Variants in MT1E observed in about 807,000 individuals in gnomAD.
MT1E encodes the protein metallothionein 1E.
In MT1E, 1 loss-of-function variant was observed where a neutral mutation model predicts 2.4. The observed-to-expected ratio is 0.41, with a 90% confidence interval of 0.15 to 1.97. The LOEUF (loss-of-function observed/expected upper bound fraction) is 1.97, where lower values mean the gene tolerates loss of function less well. Ranked by LOEUF, MT1E falls within the 30% of genes most tolerant of loss-of-function variation. The probability of loss-of-function intolerance (pLI) is 0.30; values close to 1 mark genes in which losing one functional copy is unlikely to be tolerated. For synonymous variants in MT1E, 78 were observed against 63.0 expected (o/e 1.24, Z -1.13); for missense variants, 145 against 149.6 (o/e 0.97, Z 0.16).
rs552006895 is a variant in MT1E at position 56,627,031 on chromosome 16, T to A, written c.*210T>A. 1.8e-4 allele frequency: 285 copies of A among 1,595,122 alleles called. No homozygotes were observed. Among genetic ancestry groups the A allele is most frequent in the South Asian group, 8.2e-4 (73 of 89,268 alleles). On this transcript the variant is annotated 3_prime_UTR_variant, in exon 2 of 2. Transcript: ENST00000330439. ...ACAACCTGCACAACCTGGATTTTTT[T>A]AAAAATACAACACTGAGCCATTTGC...
intron 1 of MT1E, among the ~76,000 whole-genome samples, chr16:56,626,208 G>C (rs2070836): frequency 0.085 from 12,930 of 152,254 alleles, 699 homozygotes; most frequent in East Asian, 0.27. Context: ...GTTCAGGACA[G>C]AAGGTTCTGG....
chr16:56,625,790 T>C lies in MT1E; in HGVS notation c.-62T>C. 1 of 1,602,722 alleles carries C rather than the reference T, an allele frequency of 6.2e-7. No homozygotes were observed. The highest frequency in any genetic ancestry group is 8.5e-7 in the Non-Finnish European group (1 of 1,171,382). On this transcript the variant is annotated 5_prime_UTR_variant, in exon 1 of 2. Coordinates refer to ENST00000330439, the MANE Select transcript of MT1E (RefSeq NM_001363555.2). Reference sequence around the variant, plus strand: ...CCAGTTGCAGGGCTCCATTCTGCTTTCCAACTGCCTGACTGCTTGTTCGTC... The same window carrying C: ...CCAGTTGCAGGGCTCCATTCTGCTTCCCAACTGCCTGACTGCTTGTTCGTC...
At chr16:56,626,227 C>G (rs778068841) in intron 1 of MT1E, among the ~76,000 whole-genome samples, 11 of 152,166 alleles carry the variant, frequency 7.2e-5, no homozygotes, top group Non-Finnish European at 1.5e-4. Flanking sequence ...GGCTCGCAGT[C>G]TCAATATTCC....
chr16:56,626,710 G>T lies in MT1E; in HGVS notation c.273G>T (p.Ser91=), dbSNP rs750858329. The T allele has an allele frequency of 2.5e-5, 39 of 1,590,758 alleles. No homozygotes were observed. The highest frequency in any genetic ancestry group is 2.1e-4 in the South Asian group (19 of 89,324). ...KFRWGRTAFF[S]WDTNPNCTPY... Reference sequence around the variant, plus strand: ...GATGGGGCAGGACAGCATTTTTCTCGTGGGACACAAACCCCAACTGTACCC... The same window carrying T: ...GATGGGGCAGGACAGCATTTTTCTCTTGGGACACAAACCCCAACTGTACCC... Residue 91 remains serine (S), a synonymous_variant, in exon 2 of 2, where the codon TCG becomes TCT. Transcript: ENST00000330439.
In MT1E at chr16:56,625,812, C is replaced by T. The variant is rs370900826; in HGVS notation, c.-40C>T. ...CTTTCCAACTGCCTGACTGCTTGTT[C>T]GTCTCACTGGTGTGAGCTCCAGCAT... On this transcript the variant is annotated 5_prime_UTR_variant, in exon 1 of 2. Transcript: ENST00000330439. 3.7e-6 allele frequency: 6 copies of T among 1,611,656 alleles called. No individual in the cohort carries two copies. In the African/African-American group the frequency reaches 8.0e-5, roughly 22 times the overall value.
intron 1 of MT1E, 40 bp downstream of exon 1, chr16:56,625,919 C>T: frequency 6.2e-7 from 1 of 1,613,276 alleles, no homozygotes; most frequent in Non-Finnish European, 8.5e-7. Context: ...CATTTCCCAG[C>T]CCTATTACAG....
rs141266321 is a variant in MT1E at position 56,625,871 on chromosome 16, G to A, written c.20G>A (p.Cys7Tyr). ...CTCGAAATGGACCCCAACTGCTCTT[G>A]CGCCACTGGTAAGGGAAGCTCTGCG... is the stretch of plus-strand genomic sequence containing the variant. MDPNCS[C>Y]ATGGSCTCAG... is the part of the protein sequence containing the mutation. Residue 7 changes from cysteine to tyrosine, a missense_variant, in exon 1 of 2, where the codon TGC becomes TAC. Physicochemically the swap from Cys to Tyr is radical, Grantham distance 194. Coordinates refer to ENST00000330439, the MANE Select transcript of MT1E (RefSeq NM_001363555.2). 1,815 of 1,613,732 alleles carry A rather than the reference G, an allele frequency of 1.1e-3. 69 individuals carry two copies. The East Asian group carries it at 0.04, about 36-fold the overall frequency.
intron 1 of MT1E, 99 bp from the exon 2 acceptor site, chr16:56,626,367 T>C (rs931456049): frequency 3.8e-5 from 59 of 1,554,542 alleles, no homozygotes; most frequent in Non-Finnish European, 5.0e-5. Context: ...CTCTGAGGGC[T>C]GGCCCTGCAC....
In MT1E at chr16:56,626,086, A is replaced by ACTG. The variant is rs535687602; in HGVS notation, c.28+210_28+212dup. On this transcript the variant is annotated intron_variant, in intron 1 of 1. Transcript: ENST00000330439. Reference sequence around the variant, plus strand: ...TAAGAATACTGAGGCTCAAGGCTGAACTGCTCCACATCACCCAGTTGGTCA... The same window carrying ACTG: ...TAAGAATACTGAGGCTCAAGGCTGAACTGCTGCTCCACATCACCCAGTTGGTCA... Among the ~76,000 whole-genome samples the ACTG allele has an allele frequency of 1.2e-3, 185 of 152,248 alleles. 1 individual carries two copies. Among genetic ancestry groups the ACTG allele is most frequent in the African/African-American group, 4.3e-3 (179 of 41,546 alleles).
rs200895511 is a variant in MT1E at position 56,626,780 on chromosome 16, C to T, written c.343C>T (p.Leu115Phe). The T allele has an allele frequency of 6.2e-6, 10 of 1,613,740 alleles. No homozygotes were observed. Among genetic ancestry groups the T allele is most frequent in the Non-Finnish European group, 7.6e-6 (9 of 1,179,842 alleles). ...GCTGTGCCAGACGAAAAAAAGCATC[C>T]TCTGGGTCTGGGTTCTGAGCTCGAG... ...TELCQTKKSI[L>F]WVWVLSSSQA... The change falls in exon 2 of 2, where the codon CTC becomes TTC. Residue 115 changes from leucine to phenylalanine, a missense_variant. Transcript: ENST00000330439.
In MT1E at chr16:56,626,572, C is replaced by A. The variant is rs752880123; in HGVS notation, c.135C>A (p.Leu45=). 7 of 1,614,196 alleles carry A rather than the reference C, an allele frequency of 4.3e-6. No individual in the cohort carries two copies. The highest frequency in any genetic ancestry group is 1.3e-5 in the African/African-American group (1 of 75,064). The change falls in exon 2 of 2, where the codon CTC becomes CTA. Residue 45 remains leucine, a synonymous_variant. Transcript: ENST00000330439. ...TCTCCAGGAATCTGGGGCTGTGGCT[C>A]AGGTTGGGAGGGAACTCAAGGCTGG... ...GAISRNLGLW[L]RLGGNSRLAL...
At position 56,626,775 on chromosome 16, in the gene MT1E, G is replaced by C. The variant is rs750134673; in HGVS notation, c.338G>C (p.Ser113Thr). 2 of 1,613,464 alleles carry C rather than the reference G, an allele frequency of 1.2e-6. No individual in the cohort carries two copies. Among genetic ancestry groups the C allele is most frequent in the African/African-American group, 1.3e-5 (1 of 74,926 alleles). The change falls in exon 2 of 2, where the codon AGC becomes ACC. Residue 113 changes from serine to threonine, a missense_variant. By Grantham distance (58) the Ser-to-Thr change is moderately conservative (BLOSUM62 1). Coordinates refer to ENST00000330439, the MANE Select transcript of MT1E (RefSeq NM_001363555.2). ...FRTELCQTKKSILWVWVLSSS... is the reference protein window; with the variant it reads ...FRTELCQTKKTILWVWVLSSS... ...ACAGAGCTGTGCCAGACGAAAAAAA[G>C]CATCCTCTGGGTCTGGGTTCTGAGC...
Position 56,626,592 on chromosome 16 carries a change from G to A in MT1E, c.155G>A (p.Arg52Lys), listed in dbSNP as rs767920008. ...TGGCTCAGGTTGGGAGGGAACTCAA[G>A]GCTGGCCCTGAGTGCATCCTTCTGG... ...GLWLRLGGNS[R>K]LALSASFWGT... Residue 52 changes from arginine to lysine, a missense_variant, in exon 2 of 2, where the codon AGG becomes AAG. Physicochemically the swap from Arg to Lys is conservative, Grantham distance 26. Coordinates refer to ENST00000330439, the MANE Select transcript of MT1E (RefSeq NM_001363555.2). 1.9e-6 allele frequency: 3 copies of A among 1,614,224 alleles called. No individual in the cohort carries two copies. In the Admixed American group the frequency reaches 5.0e-5, roughly 27 times the overall value.
chr16:56,626,620 A>G lies in MT1E; in HGVS notation c.183A>G (p.Gly61=), dbSNP rs1960213349. The G allele has an allele frequency of 1.2e-6, 2 of 1,613,546 alleles. No homozygotes were observed. The highest frequency in any genetic ancestry group is 1.7e-6 in the Non-Finnish European group (2 of 1,179,800). Residue 61 remains glycine, a synonymous_variant, in exon 2 of 2, where the codon GGA becomes GGG. Coordinates refer to ENST00000330439, the MANE Select transcript of MT1E (RefSeq NM_001363555.2). ...SRLALSASFW[G]TGLSLPSLPV... Reference sequence around the variant, plus strand: ...TGGCCCTGAGTGCATCCTTCTGGGGAACTGGGCTTTCTTTGCCCTCATTGC... The same window carrying G: ...TGGCCCTGAGTGCATCCTTCTGGGGGACTGGGCTTTCTTTGCCCTCATTGC...
At position 56,627,097 on chromosome 16, in the gene MT1E, A is replaced by G; in HGVS notation, c.*276A>G. 7.7e-7 allele frequency: 1 copy of G among 1,296,258 alleles called. No homozygotes were observed. Among genetic ancestry groups the G allele is most frequent in the Non-Finnish European group, 1.1e-6 (1 of 948,824 alleles). 80.3% of individuals were successfully genotyped at this position (1,296,258 alleles called of 1,614,324 possible). On this transcript the variant is annotated 3_prime_UTR_variant, in exon 2 of 2. Coordinates refer to ENST00000330439, the MANE Select transcript of MT1E (RefSeq NM_001363555.2). The stretch of plus-strand genomic sequence containing the variant: ...ACTAAATATGTGACTGACAATAAAA[A>G]CAATTTTGACTTTAATCTTACTCTG...
intron 1 of MT1E, 98 bp from the exon 2 acceptor site, chr16:56,626,368 G>A (rs983234947): frequency 1.0e-5 from 16 of 1,557,080 alleles, no homozygotes; most frequent in Non-Finnish European, 1.4e-5. Flanking sequence ...TCTGAGGGCT[G>A]GCCCTGCACA....
rs546568796 is a variant in MT1E, at chr16:56,627,031, TA to T, written c.*215del. ...ACAACCTGCACAACCTGGATTTTTTTAAAAATACAACACTGAGCCATTTGCT... is the reference window on the plus strand; with the variant it reads ...ACAACCTGCACAACCTGGATTTTTTTAAAATACAACACTGAGCCATTTGCT... On this transcript the variant is annotated 3_prime_UTR_variant, in exon 2 of 2. Coordinates refer to ENST00000330439, the MANE Select transcript of MT1E (RefSeq NM_001363555.2). 3 of 1,595,124 alleles carry T rather than the reference TA, an allele frequency of 1.9e-6. No homozygotes were observed. Among genetic ancestry groups the T allele is most frequent in the Middle Eastern group, 1.7e-4 (1 of 5,974 alleles).
At position 56,626,675 on chromosome 16, in the gene MT1E, C is replaced by A; in HGVS notation, c.238C>A (p.Pro80Thr). The change falls in exon 2 of 2, where the codon CCT becomes ACT. Residue 80 changes from proline (P) to threonine (T), a missense_variant. Transcript: ENST00000330439. The part of the protein sequence containing the change: ...PVSFPLQAFC[P>T]KFRWGRTAFF... ...GTCATTCCCTCTCCAGGCTTTCTGC[C>A]CTAAATTCAGATGGGGCAGGACAGC... is the stretch of plus-strand genomic sequence containing the variant. The A allele has an allele frequency of 1.9e-6, 3 of 1,594,464 alleles. No homozygotes were observed. The highest frequency in any genetic ancestry group is 2.6e-6 in the Non-Finnish European group (3 of 1,170,322).
Position 56,625,823 on chromosome 16 carries a change from T to C in MT1E, c.-29T>C, listed in dbSNP as rs1316156219. The C allele has an allele frequency of 6.2e-7, 1 of 1,612,650 alleles. No individual in the cohort carries two copies. The highest frequency in any genetic ancestry group is 8.5e-7 in the Non-Finnish European group (1 of 1,179,806). ...CCTGACTGCTTGTTCGTCTCACTGG[T>C]GTGAGCTCCAGCATCCCCTTTGCTC... On this transcript the variant is annotated 5_prime_UTR_variant, in exon 1 of 2. Coordinates refer to ENST00000330439, the MANE Select transcript of MT1E (RefSeq NM_001363555.2).
Sources: gnomAD v4.1 joint callset for allele counts (sites outside exome capture counted in the v4.1 genomes callset) on GRCh38, gnomAD v4.1.1 for gene constraint, MANE v1.5 for transcripts, NCBI Gene and HGNC (gene_info 2026-07-23, HGNC 2026-07-21) for gene names.